The following RWDD1 variants were observed in gnomAD, a reference collection of about 807,000 sequenced individuals.
The protein encoded by RWDD1 is RWD domain containing 1.
A neutral mutation model predicts 31.6 loss-of-function variants in RWDD1; 17 were observed. That is an observed-to-expected ratio of 0.54 (90% CI 0.37 to 0.81). The LOEUF is 0.81. RWDD1 is among the 30% of genes least tolerant of loss of function. The pLI is 0.00. For missense variants in RWDD1, 204 were observed against 274.5 expected, an observed-to-expected ratio of 0.74 and a Z score of 1.82; for synonymous variants, 78 against 94.2, an observed-to-expected ratio of 0.83 and a Z score of 0.99.
At chr6:116,588,819 C>T in intron 3 of RWDD1, 23 bp from the exon 4 acceptor site, 1 of 1,501,960 alleles carries the variant, frequency 6.7e-7, no homozygotes, top group Non-Finnish European at 8.8e-7. Flanking sequence ...AGTTATTCCT[C>T]ATCACCTTTT....
chr6:116,587,439 C>G (rs1775063058), intron 3 of RWDD1, among the ~76,000 whole-genome samples: 2 of 152,128 alleles, frequency 1.3e-5, no homozygotes, highest in South Asian at 2.1e-4. Context: ...CCTAGAACTT[C>G]TAGTCACACA....
At chr6:116,592,863 T>G (rs1775169651) in intron 6 of RWDD1, 117 bp from the exon 7 acceptor site, 4 of 1,144,582 alleles carry the variant, frequency 3.5e-6, no homozygotes, top group Non-Finnish European at 3.7e-6. Context: ...ATTTCATCAC[T>G]CCTACCTCAT....
intron 1 of RWDD1, among the ~76,000 whole-genome samples, chr6:116,576,434 A>C (rs1241226092): frequency 2.6e-5 from 4 of 152,084 alleles, no homozygotes; most frequent in Admixed American, 1.3e-4. Context: ...TCCTTCCCAT[A>C]ACCTTTGTAC....
At chr6:116,592,190 A>G (rs746094163) in intron 6 of RWDD1, among the ~76,000 whole-genome samples, 3 of 140,544 alleles carry the variant, frequency 2.1e-5, no homozygotes, top group Non-Finnish European at 3.2e-5. Context: ...GCCCTCATCT[A>G]CGTTACTTTC....
intron 3 of RWDD1, among the ~76,000 whole-genome samples, chr6:116,585,154 T>C (rs1344170026): frequency 1.3e-5 from 2 of 152,182 alleles, no homozygotes; most frequent in African/African-American, 4.8e-5. Flanking sequence ...GTGTTTTGAT[T>C]TGGTTTTTAG....
chr6:116,584,857 G>A lies in RWDD1; in HGVS notation c.270G>A (p.Gln90=), dbSNP rs1178435148. Reference sequence around the variant, plus strand: ...ACATTTTAAAATTACTAGCATTACAGGTAAGGAAATAATAATTTTATGTTT... The same window carrying A: ...ACATTTTAAAATTACTAGCATTACAAGTAAGGAAATAATAATTTTATGTTT... ...VSDILKLLAL[Q]AEENLGMVMI... Residue 90 remains glutamine, a splice_region_variant and synonymous_variant, in exon 3 of 7, where the codon CAG becomes CAA. Transcript: ENST00000466444. 3.2e-6 allele frequency: 5 copies of A among 1,566,392 alleles called. No individual in the cohort carries two copies. The highest frequency in any genetic ancestry group is 4.4e-6 in the Non-Finnish European group (5 of 1,139,208).
Sources: gnomAD v4.1 joint callset for allele counts (sites outside exome capture counted in the v4.1 genomes callset) on GRCh38, gnomAD v4.1.1 for gene constraint, MANE v1.5 for transcripts, NCBI Gene and HGNC (gene_info 2026-07-23, HGNC 2026-07-21) for gene names.